Variants in PPP2R2C observed in about 807,000 individuals in gnomAD.
The protein encoded by PPP2R2C is protein phosphatase 2 regulatory subunit Bgamma.
A neutral mutation model predicts 45.3 loss-of-function variants in PPP2R2C; 10 were observed. The observed-to-expected ratio is 0.22, with a 90% CI of 0.14 to 0.37. PPP2R2C has a LOEUF of 0.37. Among genes scored for constraint, PPP2R2C ranks in the 10% least tolerant of loss-of-function variants. The probability of loss-of-function intolerance (pLI) is 1.00; values close to 1 mark genes in which losing one functional copy is unlikely to be tolerated. For missense variants in PPP2R2C, 308 were observed against 619.7 expected (o/e 0.50, Z 5.34); for synonymous variants, 257 against 245.4 (o/e 1.05, Z -0.44).
chr4:6,510,789 A>C (rs1490172967), intron 2 of PPP2R2C, among the ~76,000 whole-genome samples: 1 of 152,108 alleles, frequency 6.6e-6, no homozygotes, highest in African/African-American at 2.4e-5. Flanking sequence ...CATCCTGGCT[A>C]ACACAGTGAA....
intron 1 of PPP2R2C, among the ~76,000 whole-genome samples, chr4:6,404,031 T>C (rs1288909934): frequency 6.6e-6 from 1 of 152,152 alleles, no homozygotes; most frequent in African/African-American, 2.4e-5. Flanking sequence ...GTCTGTGACA[T>C]GACCTGCCTG....
intron 6 of PPP2R2C, among the ~76,000 whole-genome samples, chr4:6,346,787 G>C (rs1434377066): frequency 6.6e-6 from 1 of 152,148 alleles, no homozygotes; most frequent in Non-Finnish European, 1.5e-5. Flanking sequence ...ACACCCTAAG[G>C]GAACAGTGTG....
chr4:6,378,650 G>A lies in PPP2R2C; in HGVS notation c.169-78C>T. The A allele has an allele frequency of 6.8e-7, 1 of 1,470,758 alleles. No homozygotes were observed. Among genetic ancestry groups the A allele is most frequent in the South Asian group, 1.3e-5 (1 of 75,952 alleles). The allele number at this position is 1,470,758 out of a possible 1,614,324, so 91.1% of individuals were successfully genotyped here. On this transcript the variant is annotated intron_variant, in intron 2 of 8. Transcript: ENST00000382599. The surrounding 1 kb of genome is among the most constrained non-coding windows in gnomAD (Gnocchi z 5.2). ...GCTAGGACCTCCGGGGACCCAGCAG[G>A]GCCGGCCGTGGGACCAAGTGCCGAG...
chr4:6,508,653 G>A (rs1447163521), intron 2 of PPP2R2C, among the ~76,000 whole-genome samples: 1 of 152,154 alleles, frequency 6.6e-6, no homozygotes, highest in Non-Finnish European at 1.5e-5. Flanking sequence ...CTTCCTGACA[G>A]GATCTGAGTT....
intron 2 of PPP2R2C, among the ~76,000 whole-genome samples, chr4:6,510,980 C>CAAAAAAAAAA (rs752037080): frequency 8.7e-4 from 36 of 41,304 alleles, no homozygotes; most frequent in East Asian, 3.7e-3. Flanking sequence ...CCGTCTCAAA[C>CAAAAAAAAAA]AAAAAAAAAC....
upstream of PPP2R2C, among the ~76,000 whole-genome samples, chr4:6,474,581 A>T (rs967042562): frequency 6.6e-6 from 1 of 152,120 alleles, no homozygotes; most frequent in African/African-American, 2.4e-5. Context: ...CTGGACTACA[A>T]TGAAAACAGC....
intron 2 of PPP2R2C, among the ~76,000 whole-genome samples, chr4:6,517,878 C>T (rs997260200): frequency 5.9e-5 from 9 of 152,276 alleles, no homozygotes; most frequent in Non-Finnish European, 1.2e-4. Context: ...ACTTTGCCCC[C>T]TGCTCTACAG....
At chr4:6,493,036 A>C (rs557986682) in intron 2 of PPP2R2C, among the ~76,000 whole-genome samples, 2 of 151,744 alleles carry the variant, frequency 1.3e-5, no homozygotes, top group Non-Finnish European at 2.9e-5. Context: ...CAACATGCAT[A>C]CCCTGCCTCG....
chr4:6,425,079 T>C (rs1191762667), intron 1 of PPP2R2C, among the ~76,000 whole-genome samples: 1 of 152,164 alleles, frequency 6.6e-6, no homozygotes, highest in Non-Finnish European at 1.5e-5. Flanking sequence ...ACAGAGCACT[T>C]ACTCCTATTC....
At chr4:6,545,600 T>C (rs960925152) in intron 1 of PPP2R2C, among the ~76,000 whole-genome samples, 2 of 152,162 alleles carry the variant, frequency 1.3e-5, no homozygotes, top group Admixed American at 1.3e-4. Context: ...AGCTCAGACA[T>C]GAATGCACTC....
chr4:6,333,702 G>A lies in PPP2R2C; in HGVS notation c.820C>T (p.Arg274Cys), dbSNP rs1401064445. ...GAGATGATTTCCGAGAAGAATGAGC[G>A]GTTACTGGGGTCCTCAGGCTCTTCA... ...LFEEPEDPSNRSFFSEIISSV... is the reference protein window; with the variant it reads ...LFEEPEDPSNCSFFSEIISSV... The change falls in exon 7 of 9, where the codon CGC becomes TGC. Residue 274 changes from arginine to cysteine, a missense_variant. Arg to Cys is a radical substitution (Grantham distance 180). Transcript: ENST00000382599. 17 of 1,613,966 alleles carry A rather than the reference G, an allele frequency of 1.1e-5. No individual in the cohort carries two copies. Among genetic ancestry groups the A allele is most frequent in the Non-Finnish European group, 1.4e-5 (16 of 1,180,012 alleles).
intron 2 of PPP2R2C, among the ~76,000 whole-genome samples, chr4:6,499,404 C>T (rs988153487): frequency 2.1e-4 from 32 of 152,314 alleles, no homozygotes; most frequent in African/African-American, 7.2e-4. Context: ...TGAGTCCTCT[C>T]GCAGTGCCTC....
chr4:6,354,982 ACCT>A (rs1713018876), intron 5 of PPP2R2C, among the ~76,000 whole-genome samples: 1 of 151,926 alleles, frequency 6.6e-6, no homozygotes, highest in African/African-American at 2.4e-5. Context: ...TAACAAAGTA[ACCT>A]CCTGTAAATC....
intron 1 of PPP2R2C, 123 bp downstream of exon 1, chr4:6,472,037 G>C: frequency 8.4e-7 from 1 of 1,194,044 alleles, no homozygotes; most frequent in Non-Finnish European, 1.2e-6. Flanking sequence ...GGATGGGGTG[G>C]GGTGGGGTGG....
At chr4:6,412,231 G>T (rs531432142) in intron 1 of PPP2R2C, among the ~76,000 whole-genome samples, 5 of 152,318 alleles carry the variant, frequency 3.3e-5, no homozygotes, top group Non-Finnish European at 5.9e-5. Context: ...ATGACTATTT[G>T]CCAGTCAAAA....
At chr4:6,449,019 C>T (rs982447208) in intron 1 of PPP2R2C, among the ~76,000 whole-genome samples, 1 of 152,234 alleles carries the variant, frequency 6.6e-6, no homozygotes, top group African/African-American at 2.4e-5. Context: ...ATGCTCGGCT[C>T]AGCGGCTGCA....
At chr4:6,456,183 T>C (rs1375334079) in intron 1 of PPP2R2C, among the ~76,000 whole-genome samples, 4 of 152,188 alleles carry the variant, frequency 2.6e-5, no homozygotes, top group African/African-American at 9.7e-5. Flanking sequence ...TCTGGGAAAA[T>C]GTTGACAGTG....
chr4:6,438,031 A>T (rs1719977334), intron 1 of PPP2R2C, among the ~76,000 whole-genome samples: 1 of 152,226 alleles, frequency 6.6e-6, no homozygotes, highest in African/African-American at 2.4e-5. Context: ...GAGGGCAAAG[A>T]AGAGTGGTTT....
intron 2 of PPP2R2C, among the ~76,000 whole-genome samples, chr4:6,487,518 A>C (rs895634506): frequency 6.6e-6 from 1 of 151,858 alleles, no homozygotes; most frequent in Non-Finnish European, 1.5e-5. Flanking sequence ...TGCTTTGAGG[A>C]TATTGTTCCA....
Sources: allele counts gnomAD v4.1 joint callset (sites outside exome capture counted in the v4.1 genomes callset), GRCh38; gene constraint gnomAD v4.1.1; non-coding constraint Gnocchi (gnomAD v3.1); transcripts MANE v1.5; gene names NCBI Gene and HGNC (gene_info 2026-07-23, HGNC 2026-07-21).